The following SLC30A9 variants were observed in gnomAD, a reference collection of about 807,000 sequenced individuals.
SLC30A9 encodes the protein proton-coupled zinc antiporter SLC30A9, mitochondrial.
Under a neutral mutation model 87.5 loss-of-function variants are expected in SLC30A9, and 58 were observed. The observed-to-expected ratio is 0.66, with a 90% CI of 0.54 to 0.82. SLC30A9 has a LOEUF of 0.82. Among genes scored for constraint, SLC30A9 ranks in the 40% least tolerant of loss-of-function variants. The pLI is 0.00. For missense variants in SLC30A9, 557 were observed against 679.1 expected, an observed-to-expected ratio of 0.82 and a Z score of 2.00; for synonymous variants, 234 against 233.0, an observed-to-expected ratio of 1.00 and a Z score of -0.04.
chr4:42,012,059 A>G (rs933262291), intron 2 of SLC30A9, among the ~76,000 whole-genome samples: 3 of 151,624 alleles, frequency 2.0e-5, no homozygotes, highest in Admixed American at 6.6e-5. Flanking sequence ...ATAAAGAGAG[A>G]TGAGAATTTT....
intron 2 of SLC30A9, among the ~76,000 whole-genome samples, chr4:42,015,756 C>T (rs929693358): frequency 2.0e-5 from 3 of 152,076 alleles, no homozygotes; most frequent in Non-Finnish European, 4.4e-5. Flanking sequence ...CTCCTATTTT[C>T]TCCTCAACTA....
intron 2 of SLC30A9, among the ~76,000 whole-genome samples, chr4:42,013,247 A>G (rs948026158): frequency 3.9e-5 from 6 of 152,184 alleles, no homozygotes; most frequent in African/African-American, 1.4e-4. Context: ...CCACTGCACT[A>G]CAGCCTGGGT....
At chr4:42,020,558 A>G in intron 4 of SLC30A9, 43 bp downstream of exon 4, 2 of 1,094,454 alleles carry the variant, frequency 1.8e-6, no homozygotes, top group Non-Finnish European at 2.7e-6. Flanking sequence ...TATCTAAATA[A>G]TCTAAATAAC....
intron 9 of SLC30A9, among the ~76,000 whole-genome samples, chr4:42,053,062 C>G (rs1011472540): frequency 6.6e-6 from 1 of 152,094 alleles, no homozygotes; most frequent in East Asian, 1.9e-4. Flanking sequence ...AAGATTTGGG[C>G]AGGTACTTCA....
At chr4:42,051,350 A>G (rs1264790168) in intron 9 of SLC30A9, among the ~76,000 whole-genome samples, 2 of 152,230 alleles carry the variant, frequency 1.3e-5, no homozygotes, top group African/African-American at 4.8e-5. Flanking sequence ...CACTCAGTAT[A>G]ACATTCACAG....
chr4:42,051,208 G>A (rs764369516), intron 9 of SLC30A9, among the ~76,000 whole-genome samples: 1 of 152,106 alleles, frequency 6.6e-6, no homozygotes, highest in Non-Finnish European at 1.5e-5. Context: ...TATTCTTAAC[G>A]TAAAGGCTGT....
At chr4:42,033,646 G>A (rs576864522) in intron 6 of SLC30A9, among the ~76,000 whole-genome samples, 2 of 152,154 alleles carry the variant, frequency 1.3e-5, no homozygotes, top group South Asian at 4.1e-4. Flanking sequence ...CACGATCTTG[G>A]CTCACTGCAA....
rs11943835 is a variant in SLC30A9, at chr4:42,073,021, A to G, written c.1418+2330A>G. Among the ~76,000 whole-genome samples the G allele has an allele frequency of 4.3e-3, 639 of 150,168 alleles. 6 individuals carry two copies. Among genetic ancestry groups the G allele is most frequent in the African/African-American group, 0.015 (592 of 39,692 alleles). On this transcript the variant is annotated intron_variant, in intron 15 of 17. Transcript: ENST00000264451. ...TAGAGACGAGGTTTCACCACTGGCC[A>G]TGTTGGCCAGGCTGGTCTCAAACTC...
At chr4:42,037,997 C>G (rs985040302) in intron 7 of SLC30A9, among the ~76,000 whole-genome samples, 2 of 152,036 alleles carry the variant, frequency 1.3e-5, no homozygotes, top group Admixed American at 6.6e-5. Flanking sequence ...GTCTCAAACT[C>G]CTGAGCTCAA....
At chr4:42,074,263 G>A (rs1023935113) in intron 15 of SLC30A9, among the ~76,000 whole-genome samples, 1 of 152,186 alleles carries the variant, frequency 6.6e-6, no homozygotes, top group Non-Finnish European at 1.5e-5. Context: ...TGGACTCAGT[G>A]TTTAGTAACC....
intron 17 of SLC30A9, among the ~76,000 whole-genome samples, chr4:42,080,119 T>C (rs1718699943): frequency 6.6e-6 from 1 of 152,200 alleles, no homozygotes; most frequent in Non-Finnish European, 1.5e-5. Flanking sequence ...CTATAGCCTT[T>C]TGAGATAATT....
chr4:42,072,699 G>A (rs1718359678), intron 15 of SLC30A9, among the ~76,000 whole-genome samples: 1 of 152,018 alleles, frequency 6.6e-6, no homozygotes, highest in South Asian at 2.1e-4. Flanking sequence ...GTGCACTTGA[G>A]AAGAATGTAT....
chr4:42,023,446 C>T, intron 6 of SLC30A9, 62 bp downstream of exon 6: 1 of 1,054,744 alleles, frequency 9.5e-7, no homozygotes, highest in Non-Finnish European at 1.5e-6. Context: ...AGAACTGTAT[C>T]TGTAAGAACT....
At chr4:42,038,068 G>C (rs1339967208) in intron 7 of SLC30A9, among the ~76,000 whole-genome samples, 1 of 152,134 alleles carries the variant, frequency 6.6e-6, no homozygotes, top group East Asian at 1.9e-4. Context: ...CACTGCGCCC[G>C]ACCTGATTAT....
intron 6 of SLC30A9, among the ~76,000 whole-genome samples, chr4:42,025,758 C>T (rs997076065): frequency 3.9e-5 from 6 of 152,072 alleles, no homozygotes; most frequent in Non-Finnish European, 4.4e-5. Flanking sequence ...CTCTGCCTTC[C>T]GGGTTCATGC....
At chr4:42,067,451 T>C (rs554588449) in intron 14 of SLC30A9, among the ~76,000 whole-genome samples, 12 of 152,350 alleles carry the variant, frequency 7.9e-5, no homozygotes, top group African/African-American at 2.6e-4. Flanking sequence ...TTTCTAGCTG[T>C]GACTTAAAAA....
chr4:42,077,564 C>T (rs997095609), intron 16 of SLC30A9, among the ~76,000 whole-genome samples: 2 of 152,008 alleles, frequency 1.3e-5, no homozygotes, highest in African/African-American at 4.8e-5. Context: ...TGACCACACC[C>T]GGTTAATTTT....
chr4:42,048,912 C>CA (rs1272611825), intron 8 of SLC30A9, among the ~76,000 whole-genome samples: 1 of 152,104 alleles, frequency 6.6e-6, no homozygotes, highest in Non-Finnish European at 1.5e-5. Context: ...GTTACCTAAA[C>CA]AAAGTTTTTT....
At position 42,074,649 on chromosome 4, in the gene SLC30A9, G is replaced by A. The variant is rs563835830; in HGVS notation, c.1419-1008G>A. 1.0e-3 allele frequency among the ~76,000 whole-genome samples: 155 copies of A among 152,156 alleles called. 1 individual carries two copies. Among genetic ancestry groups the A allele is most frequent in the Admixed American group, 2.3e-3 (35 of 15,284 alleles). On this transcript the variant is annotated intron_variant, in intron 15 of 17. Transcript: ENST00000264451. ...AAATTACCTTGAGCAAGTCACTTATGCCACTCTAGGATGGTTTTATCATGT... is the reference window on the plus strand; with the variant it reads ...AAATTACCTTGAGCAAGTCACTTATACCACTCTAGGATGGTTTTATCATGT...
Sources: gnomAD v4.1 joint callset for allele counts (sites outside exome capture counted in the v4.1 genomes callset) on GRCh38, gnomAD v4.1.1 for gene constraint, MANE v1.5 for transcripts, NCBI Gene and HGNC (gene_info 2026-07-23, HGNC 2026-07-21) for gene names.